Variants in ALPK1 observed in about 807,000 individuals in gnomAD.
ALPK1 encodes alpha-protein kinase 1.
Under a neutral mutation model 120.6 loss-of-function variants are expected in ALPK1, and 110 were observed. That is an observed-to-expected ratio of 0.91 (90% CI 0.78 to 1.07). The LOEUF (loss-of-function observed/expected upper bound fraction) is 1.07. Ranked by LOEUF, ALPK1 falls within the 50% of genes least tolerant of loss-of-function variation. The pLI is 0.00. For synonymous variants in ALPK1, 582 were observed against 560.3 expected, an observed-to-expected ratio of 1.04 and a Z score of -0.55; for missense variants, 1,498 against 1,483.9, an observed-to-expected ratio of 1.01 and a Z score of -0.16.
intron 2 of ALPK1, among the ~76,000 whole-genome samples, chr4:112,329,193 T>A (rs888681338): frequency 6.6e-6 from 1 of 152,004 alleles, no homozygotes; most frequent in Non-Finnish European, 1.5e-5. Flanking sequence ...AAAAATCAGT[T>A]TAGGGGAGAA....
At position 112,432,060 on chromosome 4, in the gene ALPK1, C is replaced by G. The variant is rs749588774; in HGVS notation, c.2513C>G (p.Pro838Arg). 1 of 1,613,996 alleles carries G rather than the reference C, an allele frequency of 6.2e-7. No individual in the cohort carries two copies. Among genetic ancestry groups the G allele is most frequent in the Admixed American group, 1.7e-5 (1 of 60,004 alleles). Residue 838 changes from proline to arginine, a missense_variant, in exon 11 of 16, where the codon CCA (proline) becomes CGA (arginine). Transcript: ENST00000650871. ...CCTGACTCCAGAAAAAGTGGTGGCC[C>G]AGTCGCAGAGCAGGGCATCGACCCT... ...QNPDSRKSGG[P>R]VAEQGIDPDA... is the part of the protein sequence containing the mutation.
At chr4:112,326,327 G>C (rs114579597) in intron 2 of ALPK1, among the ~76,000 whole-genome samples, 1 of 152,290 alleles carries the variant, frequency 6.6e-6, no homozygotes, top group African/African-American at 2.4e-5. Context: ...AACTGAGTTA[G>C]TTTCTGTTAA....
intron 5 of ALPK1, among the ~76,000 whole-genome samples, chr4:112,416,162 CG>C (rs1733738652): frequency 6.6e-6 from 1 of 152,236 alleles, no homozygotes; most frequent in East Asian, 1.9e-4. Flanking sequence ...ATCTCTGGTA[CG>C]GCCTGAGATG....
intron 2 of ALPK1, chr4:112,356,281 C>T: frequency 8.8e-7 from 1 of 1,142,562 alleles, no homozygotes; most frequent in East Asian, 2.3e-5. Context: ...AGACGCTGTG[C>T]CTCCTGTGCA....
intron 1 of ALPK1, among the ~76,000 whole-genome samples, chr4:112,307,502 G>A (rs1307631890): frequency 6.6e-6 from 1 of 152,074 alleles, no homozygotes; most frequent in East Asian, 1.9e-4. Flanking sequence ...TTACCATTAT[G>A]TAATGGCCTT....
intron 2 of ALPK1, chr4:112,343,431 C>G (rs1729951384): frequency 2.0e-5 from 3 of 152,140 alleles, no homozygotes; most frequent in Admixed American, 2.0e-4. Flanking sequence ...AGTGAATGCA[C>G]TACAGAAACT....
Position 112,382,423 on chromosome 4 carries a change from C to A in ALPK1, c.147C>A (p.Thr49=). 3 of 1,613,526 alleles carry A rather than the reference C, an allele frequency of 1.9e-6. No individual in the cohort carries two copies. Among genetic ancestry groups the A allele is most frequent in the Admixed American group, 1.7e-5 (1 of 59,932 alleles). ...CTTTACTCCCCAGCGAGTTAAGGAC[C>A]CTGATCCAGGAGGCAAAGGAAATGA... ...CRALLPSELR[T]LIQEAKEMKW... is the part of the protein sequence containing the mutation. The change falls in exon 4 of 16, where the codon ACC becomes ACA. Residue 49 remains threonine (T), a synonymous_variant. Transcript: ENST00000650871.
At chr4:112,376,426 G>A (rs1408101577) in intron 2 of ALPK1, among the ~76,000 whole-genome samples, 1 of 152,076 alleles carries the variant, frequency 6.6e-6, no homozygotes, top group African/African-American at 2.4e-5. Flanking sequence ...TAAACACAAA[G>A]TATATGGAGA....
Position 112,432,439 on chromosome 4 carries a change from G to A in ALPK1, c.2892G>A (p.Lys964=). ...SGSSWVSLPG[K]MRKEILEART... ...GTTCTTGGGTTTCATTGCCGGGAAA[G>A]ATGAGGAAAGAGATCCTTGAGGCTC... The change falls in exon 11 of 16, where the codon AAG becomes AAA. Residue 964 remains lysine (K), a synonymous_variant. Transcript: ENST00000650871. 2 of 1,614,190 alleles carry A rather than the reference G, an allele frequency of 1.2e-6. No homozygotes were observed. The highest frequency in any genetic ancestry group is 1.7e-6 in the Non-Finnish European group (2 of 1,180,044).
At chr4:112,423,478 CCCTT>C (rs1437512023) in intron 5 of ALPK1, among the ~76,000 whole-genome samples, 1 of 152,124 alleles carries the variant, frequency 6.6e-6, no homozygotes, top group East Asian at 1.9e-4. Flanking sequence ...ATAGAATAGG[CCCTT>C]CCTATGTGGT....
intron 4 of ALPK1, chr4:112,411,596 A>T: frequency 1.7e-6 from 1 of 572,660 alleles, no homozygotes; most frequent in Non-Finnish European, 3.1e-6. Context: ...TATCGCTTCT[A>T]TAATTTTATA....
chr4:112,417,297 G>GA (rs1388120784), intron 5 of ALPK1, among the ~76,000 whole-genome samples: 1 of 152,062 alleles, frequency 6.6e-6, no homozygotes, highest in Non-Finnish European at 1.5e-5. Flanking sequence ...GATGACTAAA[G>GA]AATGTGGTAA....
chr4:112,298,378 A>G (rs1026352048), intron 1 of ALPK1, among the ~76,000 whole-genome samples: 1 of 152,112 alleles, frequency 6.6e-6, no homozygotes, highest in Non-Finnish European at 1.5e-5. Flanking sequence ...GATACACTCT[A>G]GTCTCTAGAA....
chr4:112,310,988 G>A (rs1238912250), intron 1 of ALPK1, among the ~76,000 whole-genome samples: 1 of 151,144 alleles, frequency 6.6e-6, no homozygotes, highest in African/African-American at 2.5e-5. Flanking sequence ...GCTTTAGAAA[G>A]GAGGAAACTG....
rs1431584491 is a variant in ALPK1 at position 112,382,474 on chromosome 4, G to T, written c.198G>T (p.Trp66Cys). The stretch of plus-strand genomic sequence containing the variant: ...AGTGGCCCTTCGTGCCTGAAAAGTG[G>T]CAGTACAAACAAGCCGTGGGCCCAG... ...EMKWPFVPEK[W>C]QYKQAVGPED... is the part of the protein sequence containing the mutation. Residue 66 changes from tryptophan (W) to cysteine (C), a missense_variant, in exon 4 of 16, where the codon TGG (tryptophan) becomes TGT (cysteine). Transcript: ENST00000650871. 6.2e-7 allele frequency: 1 copy of T among 1,614,088 alleles called. No homozygotes were observed. Among genetic ancestry groups the T allele is most frequent in the Non-Finnish European group, 8.5e-7 (1 of 1,180,012 alleles).
At chr4:112,386,626 T>C (rs994302115) in intron 4 of ALPK1, among the ~76,000 whole-genome samples, 1 of 152,226 alleles carries the variant, frequency 6.6e-6, no homozygotes, top group East Asian at 1.9e-4. Context: ...GTTACCATCA[T>C]CTTTAATGTC....
intron 5 of ALPK1, among the ~76,000 whole-genome samples, chr4:112,417,812 C>G (rs977596047): frequency 1.3e-5 from 2 of 152,120 alleles, no homozygotes; most frequent in Non-Finnish European, 2.9e-5. Flanking sequence ...TAAATCTATT[C>G]ATTTAGTGCA....
chr4:112,354,072 T>C (rs544349920), intron 2 of ALPK1, among the ~76,000 whole-genome samples: 1 of 152,298 alleles, frequency 6.6e-6, no homozygotes, highest in South Asian at 2.1e-4. Flanking sequence ...TTCTCATTGA[T>C]TTACAGAAAT....
chr4:112,413,118 A>C (rs1315503976), intron 5 of ALPK1, among the ~76,000 whole-genome samples: 2 of 152,228 alleles, frequency 1.3e-5, no homozygotes, highest in African/African-American at 4.8e-5. Flanking sequence ...TTCCTGATGT[A>C]ATTTATAATG....
Sources: allele counts gnomAD v4.1 joint callset (sites outside exome capture counted in the v4.1 genomes callset), GRCh38; gene constraint gnomAD v4.1.1; transcripts MANE v1.5; gene names NCBI Gene and HGNC (gene_info 2026-07-23, HGNC 2026-07-21).